Variants in PAK1 observed in about 807,000 individuals in gnomAD.
PAK1 encodes the protein serine/threonine-protein kinase PAK 1.
A neutral mutation model predicts 67.4 loss-of-function variants in PAK1; 29 were observed. That is an observed-to-expected ratio of 0.43 (90% confidence interval 0.32 to 0.59). The LOEUF (loss-of-function observed/expected upper bound fraction) is 0.59. PAK1 is among the 20% of genes least tolerant of loss of function. PAK1 has a pLI of 0.07. For synonymous variants in PAK1, 223 were observed against 237.4 expected, an observed-to-expected ratio of 0.94 and a Z score of 0.56; for missense variants, 337 against 670.7, an observed-to-expected ratio of 0.50 and a Z score of 5.50.
intron 6 of PAK1, 57 bp downstream of exon 6, chr11:77,358,841 C>T: frequency 1.3e-6 from 2 of 1,586,392 alleles, no homozygotes; most frequent in Non-Finnish European, 1.7e-6. Flanking sequence ...ACCAACTCCT[C>T]CCTCTCCCCA....
At chr11:77,354,505 C>T (rs1296183135) in intron 7 of PAK1, among the ~76,000 whole-genome samples, 2 of 152,146 alleles carry the variant, frequency 1.3e-5, no homozygotes, top group Non-Finnish European at 2.9e-5. Flanking sequence ...GAAGCTTCAA[C>T]TCAAGTGTCC....
chr11:77,445,010 C>T (rs755488632), intron 1 of PAK1, among the ~76,000 whole-genome samples: 2 of 151,942 alleles, frequency 1.3e-5, no homozygotes, highest in South Asian at 4.2e-4. Flanking sequence ...ACCACCAATA[C>T]CTTAGGATTG....
chr11:77,390,190 CTTTTA>C (rs1044282550), intron 2 of PAK1, among the ~76,000 whole-genome samples: 4 of 152,126 alleles, frequency 2.6e-5, no homozygotes, highest in African/African-American at 9.7e-5. Flanking sequence ...TTACCCATAT[CTTTTA>C]TTTTATTTAT....
upstream of PAK1, chr11:77,475,538 A>AT (rs1958048336): frequency 1.3e-5 from 2 of 152,134 alleles, no homozygotes; most frequent in African/African-American, 4.8e-5. Flanking sequence ...CACATCATTT[A>AT]TTTTTTGCTC....
chr11:77,387,073 C>CTT (rs34065292), intron 2 of PAK1, among the ~76,000 whole-genome samples: 24 of 126,812 alleles, frequency 1.9e-4, no homozygotes, highest in African/African-American at 4.3e-4. Context: ...CACGCCCAGC[C>CTT]TTTTTTTTTT....
At chr11:77,446,504 C>A (rs1419185914) in intron 1 of PAK1, among the ~76,000 whole-genome samples, 2 of 140,234 alleles carry the variant, frequency 1.4e-5, no homozygotes, top group Admixed American at 1.4e-4. Flanking sequence ...ACAGCGAGAC[C>A]CTGTCTCAAA....
the PAK1 span, among the ~76,000 whole-genome samples, chr11:77,511,468 A>G: frequency 1.8e-4 from 27 of 152,210 alleles, no homozygotes; most frequent in Admixed American, 1.2e-3. Flanking sequence ...AGAGATAGCT[A>G]TCTATGTCTC....
At chr11:77,529,515 C>T in the PAK1 span, among the ~76,000 whole-genome samples, 1 of 152,146 alleles carries the variant, frequency 6.6e-6, no homozygotes, top group Non-Finnish European at 1.5e-5. Flanking sequence ...TATGTCTATT[C>T]TTATTTTTTC....
intron 9 of PAK1, among the ~76,000 whole-genome samples, chr11:77,344,157 C>T (rs1394961375): frequency 1.3e-5 from 2 of 152,164 alleles, no homozygotes; most frequent in Non-Finnish European, 2.9e-5. Context: ...CCTCGGGTCC[C>T]ACCCCAAATC....
At chr11:77,364,324 C>T (rs766858689) in intron 5 of PAK1, among the ~76,000 whole-genome samples, 2 of 152,208 alleles carry the variant, frequency 1.3e-5, no homozygotes, top group Non-Finnish European at 2.9e-5. Context: ...AGAAGCCTTA[C>T]AGAGTTGAAG....
chr11:77,374,098 A>G (rs182512870), intron 5 of PAK1, among the ~76,000 whole-genome samples: 15 of 152,360 alleles, frequency 9.8e-5, no homozygotes, highest in Non-Finnish European at 2.1e-4. Flanking sequence ...CATAAAAATT[A>G]AAAATAAAAA....
At chr11:77,443,196 G>A (rs187871148) in intron 1 of PAK1, among the ~76,000 whole-genome samples, 12 of 151,430 alleles carry the variant, frequency 7.9e-5, no homozygotes, top group Admixed American at 4.0e-4. Context: ...GGTAGCGCAC[G>A]CCTGTAGTCT....
chr11:77,326,950 G>T (rs1940080328), intron 14 of PAK1, among the ~76,000 whole-genome samples: 1 of 152,188 alleles, frequency 6.6e-6, no homozygotes, highest in Non-Finnish European at 1.5e-5. Context: ...GGACCTGATG[G>T]AGCTGAAAAC....
chr11:77,490,445 T>A, the PAK1 span, among the ~76,000 whole-genome samples: 1 of 117,894 alleles, frequency 8.5e-6, no homozygotes, highest in African/African-American at 3.8e-5. Flanking sequence ...CCGCCCCGTC[T>A]GGGAGGGAGG....
At chr11:77,501,150 C>CAAAAAAA in the PAK1 span, among the ~76,000 whole-genome samples, 1 of 105,460 alleles carries the variant, frequency 9.5e-6, no homozygotes, top group East Asian at 2.9e-4. Context: ...GACTCCGTCT[C>CAAAAAAA]AAAAAAAAAA....
At chr11:77,344,826 G>A (rs1016246284) in intron 9 of PAK1, among the ~76,000 whole-genome samples, 3 of 152,108 alleles carry the variant, frequency 2.0e-5, no homozygotes, top group Non-Finnish European at 4.4e-5. Context: ...CATGGCTCCT[G>A]GTTGCCTAGA....
intron 14 of PAK1, among the ~76,000 whole-genome samples, chr11:77,330,829 A>T (rs1941322508): frequency 2.0e-5 from 3 of 152,174 alleles, no homozygotes; most frequent in African/African-American, 7.2e-5. Flanking sequence ...AAAAGAAACC[A>T]CCATCAGAGT....
the PAK1 span, among the ~76,000 whole-genome samples, chr11:77,523,481 G>A: frequency 1.3e-5 from 2 of 149,750 alleles, no homozygotes; most frequent in African/African-American, 2.5e-5. Context: ...GTGCAGTGAC[G>A]CGATCTCAGC....
chr11:77,472,502 C>T (rs974991792), intron 1 of PAK1, among the ~76,000 whole-genome samples: 2 of 152,126 alleles, frequency 1.3e-5, no homozygotes, highest in Non-Finnish European at 2.9e-5. Context: ...AAGCTGAGTC[C>T]GGTGCTTGCT....
Sources: allele counts gnomAD v4.1 joint callset (sites outside exome capture counted in the v4.1 genomes callset), GRCh38; gene constraint gnomAD v4.1.1; transcripts MANE v1.5; gene names NCBI Gene and HGNC (gene_info 2026-07-23, HGNC 2026-07-21).